Variants in TAF4B observed in about 807,000 individuals in gnomAD.
The protein encoded by TAF4B is TATA-box binding protein associated factor 4b.
TAF4B carries 38 observed loss-of-function variants against 86.4 expected under a neutral mutation model. That is an observed-to-expected ratio of 0.44 (90% confidence interval 0.34 to 0.58). The LOEUF (loss-of-function observed/expected upper bound fraction) is 0.58, where lower values mean the gene tolerates loss of function less well. Among genes scored for constraint, TAF4B ranks in the 20% least tolerant of loss-of-function variants. The probability of loss-of-function intolerance (pLI) is 0.02; values close to 1 mark genes in which losing one functional copy is unlikely to be tolerated. For missense variants in TAF4B, 988 were observed against 1,027.6 expected (o/e 0.96, Z 0.53); for synonymous variants, 388 against 391.2 (o/e 0.99, Z 0.10).
intron 1 of TAF4B, among the ~76,000 whole-genome samples, chr18:26,227,834 T>C (rs1170936292): frequency 1.3e-5 from 2 of 152,248 alleles, no homozygotes; most frequent in Non-Finnish European, 2.9e-5. Context: ...GAAGTTCTTG[T>C]GTATTACAAC....
chr18:26,312,711 G>T (rs1300560635), intron 9 of TAF4B, among the ~76,000 whole-genome samples: 1 of 152,062 alleles, frequency 6.6e-6, no homozygotes, highest in East Asian at 1.9e-4. Context: ...ATTTCCAGGG[G>T]CCTGTGTACC....
At chr18:26,231,383 C>T (rs2055668432) in intron 1 of TAF4B, among the ~76,000 whole-genome samples, 1 of 125,462 alleles carries the variant, frequency 8.0e-6, no homozygotes, top group Non-Finnish European at 1.6e-5. Context: ...GACAGAGTCT[C>T]ACTCTGTTGC....
At chr18:26,346,819 G>A (rs1164698910) in intron 13 of TAF4B, among the ~76,000 whole-genome samples, 4 of 17,802 alleles carry the variant, frequency 2.2e-4, no homozygotes, top group Non-Finnish European at 3.4e-4. Flanking sequence ...ATATATATGT[G>A]TGTGTATATA....
intron 14 of TAF4B, among the ~76,000 whole-genome samples, chr18:26,363,823 T>C (rs2057349335): frequency 2.0e-5 from 3 of 152,194 alleles, no homozygotes; most frequent in Admixed American, 2.0e-4. Context: ...AATCAGCATA[T>C]AATCCCAGAG....
At chr18:26,271,075 A>G (rs1369786116) in intron 3 of TAF4B, among the ~76,000 whole-genome samples, 2 of 152,248 alleles carry the variant, frequency 1.3e-5, no homozygotes, top group Non-Finnish European at 1.5e-5. Context: ...AGTTAATGAT[A>G]TCTGTCCACT....
intron 14 of TAF4B, among the ~76,000 whole-genome samples, chr18:26,361,118 A>C (rs963778794): frequency 1.1e-4 from 16 of 152,006 alleles, no homozygotes; most frequent in Non-Finnish European, 2.9e-5. Context: ...ATAATTAAGT[A>C]GTGTTAAACA....
chr18:26,264,836 G>T (rs551830933), intron 1 of TAF4B, among the ~76,000 whole-genome samples: 4 of 152,262 alleles, frequency 2.6e-5, no homozygotes, highest in African/African-American at 7.2e-5. Context: ...TGATTTGGGG[G>T]TTCTCTATTC....
intron 11 of TAF4B, 63 bp downstream of exon 11, chr18:26,321,263 A>T (rs2144676602): frequency 1.3e-6 from 2 of 1,562,138 alleles, no homozygotes; most frequent in Non-Finnish European, 1.8e-6. Flanking sequence ...TTGGGCGTGG[A>T]TTGATATTCT....
rs1326577978 is a variant in TAF4B at position 26,320,985 on chromosome 18, A to AG, written c.2003-80dup. The AG allele has an allele frequency of 2.6e-6, 4 of 1,534,692 alleles. No homozygotes were observed. The African/African-American group carries it at 5.5e-5, about 21-fold the overall frequency. On this transcript the variant is annotated intron_variant, in intron 10 of 14. Transcript: ENST00000269142. ...TTTATTCATAATGGGTATGACTTCCAGGGGGAACAGAATACCTGCTGTGCT... is the reference window on the plus strand; with the variant it reads ...TTTATTCATAATGGGTATGACTTCCAGGGGGGAACAGAATACCTGCTGTGCT...
intron 13 of TAF4B, among the ~76,000 whole-genome samples, chr18:26,350,704 TG>T (rs1215374220): frequency 2.0e-5 from 3 of 151,878 alleles, no homozygotes; most frequent in Non-Finnish European, 4.4e-5. Context: ...AACAAACAAA[TG>T]GGCAAATGAT....
chr18:26,281,489 A>G (rs1474655295), intron 5 of TAF4B, among the ~76,000 whole-genome samples: 1 of 152,216 alleles, frequency 6.6e-6, no homozygotes, highest in East Asian at 1.9e-4. Context: ...ACTGGCATCA[A>G]GTTATTTTGG....
At chr18:26,290,199 G>T (rs2056574963) in intron 7 of TAF4B, among the ~76,000 whole-genome samples, 1 of 152,096 alleles carries the variant, frequency 6.6e-6, no homozygotes, top group Non-Finnish European at 1.5e-5. Context: ...GAGTGCAGTG[G>T]TGCCATCATG....
intron 14 of TAF4B, among the ~76,000 whole-genome samples, chr18:26,388,268 T>C (rs1978493609): frequency 6.6e-6 from 1 of 152,252 alleles, no homozygotes; most frequent in Non-Finnish European, 1.5e-5. Context: ...ATAGACATAT[T>C]GGTAATTCAT....
intron 13 of TAF4B, among the ~76,000 whole-genome samples, chr18:26,341,380 T>C (rs1391311792): frequency 1.3e-5 from 2 of 152,146 alleles, no homozygotes; most frequent in Non-Finnish European, 2.9e-5. Context: ...ATATGTTCTT[T>C]CTTTCCTTCC....
At chr18:26,377,348 C>T (rs1380838275) in intron 14 of TAF4B, among the ~76,000 whole-genome samples, 7 of 152,164 alleles carry the variant, frequency 4.6e-5, no homozygotes, top group Non-Finnish European at 1.0e-4. Flanking sequence ...TCAATCTCTT[C>T]CTCTAGGATC....
intron 1 of TAF4B, among the ~76,000 whole-genome samples, chr18:26,260,092 G>A (rs2056142924): frequency 6.6e-6 from 1 of 152,230 alleles, no homozygotes; most frequent in East Asian, 1.9e-4. Flanking sequence ...CTTTTGAGAA[G>A]TGTCTGTTCA....
chr18:26,276,997 A>G (rs544666486), intron 5 of TAF4B, among the ~76,000 whole-genome samples: 3 of 152,202 alleles, frequency 2.0e-5, no homozygotes, highest in Non-Finnish European at 4.4e-5. Flanking sequence ...GGATACCTTT[A>G]AATTCCTAAA....
chr18:26,354,826 T>A (rs1431524585), intron 13 of TAF4B, among the ~76,000 whole-genome samples: 1 of 152,242 alleles, frequency 6.6e-6, no homozygotes, highest in African/African-American at 2.4e-5. Context: ...GTCTTAAAAT[T>A]GCATGGTATG....
intron 1 of TAF4B, among the ~76,000 whole-genome samples, chr18:26,250,001 G>A (rs1056873955): frequency 2.0e-5 from 3 of 152,142 alleles, no homozygotes; most frequent in African/African-American, 7.2e-5. Context: ...GGAATTACAG[G>A]CATGAGCCAC....
Sources: gnomAD v4.1 joint callset for allele counts (sites outside exome capture counted in the v4.1 genomes callset) on GRCh38, gnomAD v4.1.1 for gene constraint, MANE v1.5 for transcripts, NCBI Gene and HGNC (gene_info 2026-07-23, HGNC 2026-07-21) for gene names.